TIPRL: variants seen among roughly 807,000 people sequenced by gnomAD.
The protein encoded by TIPRL is TOR signaling pathway regulator, also known as TIP41-like protein.
A neutral mutation model predicts 32.3 loss-of-function variants in TIPRL; 10 were observed. The observed-to-expected ratio is 0.31, with a 90% confidence interval of 0.19 to 0.52. TIPRL has a LOEUF of 0.52. Ranked by LOEUF, TIPRL falls within the 20% of genes least tolerant of loss-of-function variation. TIPRL has a pLI of 0.96. For missense variants in TIPRL, 250 were observed against 328.1 expected, an observed-to-expected ratio of 0.76 and a Z score of 1.84; for synonymous variants, 100 against 114.0, an observed-to-expected ratio of 0.88 and a Z score of 0.78.
chr1:168,181,769 A>G (rs1699969651), intron 1 of TIPRL, among the ~76,000 whole-genome samples: 1 of 151,658 alleles, frequency 6.6e-6, no homozygotes, highest in Non-Finnish European at 1.5e-5. Context: ...TTAAAAACAA[A>G]TTTGCCTGAG....
intron 4 of TIPRL, chr1:168,192,528 T>C (rs2102311339): frequency 2.1e-6 from 1 of 481,886 alleles, no homozygotes; most frequent in Non-Finnish European, 2.7e-6. Flanking sequence ...CCAGCTAAAA[T>C]ACCACCTTTT....
intron 1 of TIPRL, among the ~76,000 whole-genome samples, chr1:168,182,075 CAA>C (rs34352880): frequency 2.3e-5 from 3 of 132,220 alleles, no homozygotes; most frequent in African/African-American, 3.2e-5. Flanking sequence ...CACCCTCCGC[CAA>C]AAAAAAAAAA....
In TIPRL at chr1:168,186,243, C is replaced by T. The variant is rs918710550; in HGVS notation, c.384+1365C>T. 1.1e-4 allele frequency among the ~76,000 whole-genome samples: 16 copies of T among 152,292 alleles called. No homozygotes were observed. In the East Asian group the frequency reaches 1.5e-3, roughly 15 times the overall value. On this transcript the variant is annotated intron_variant, in intron 3 of 6. Transcript: ENST00000367833. ...GGGCTCAATGGCTCACGCCTGTAAT[C>T]CCAGCACTTTGCGAGGCCAAGGAGG...
At chr1:168,181,848 G>T (rs1168758778) in intron 1 of TIPRL, among the ~76,000 whole-genome samples, 2 of 151,422 alleles carry the variant, frequency 1.3e-5, no homozygotes, top group Non-Finnish European at 2.9e-5. Flanking sequence ...ATCACCTGAG[G>T]TCAGGAGTTC....
rs1700199268 is a variant in TIPRL, at chr1:168,200,579, C to T, written c.*533C>T. The T allele has an allele frequency of 6.8e-6, 1 of 147,520 alleles. No individual in the cohort carries two copies. The highest frequency in any genetic ancestry group is 1.5e-5 in the Non-Finnish European group (1 of 67,532). The allele number at this position is 147,520 out of a possible 1,614,324, so 9.1% of individuals were successfully genotyped here. On this transcript the variant is annotated 3_prime_UTR_variant, in exon 7 of 7. Coordinates refer to ENST00000367833, the MANE Select transcript of TIPRL (RefSeq NM_152902.5). ...ACCCCAAAATTTTAAAAATGTATTT[C>T]CCCCCAGTTTTAAATTGCCTTTGAA... is the stretch of plus-strand genomic sequence containing the variant.
rs754530890 is a variant in TIPRL, at chr1:168,179,063, G to A, written c.-15G>A. On this transcript the variant is annotated 5_prime_UTR_variant, in exon 1 of 7. Transcript: ENST00000367833. ...CAGCTTATTCCTTGTGGCCTCTGCG[G>A]GTCCTGCCTCAGCCATGATGATCCA... is the stretch of plus-strand genomic sequence containing the variant. 1.2e-5 allele frequency: 19 copies of A among 1,612,154 alleles called. No homozygotes were observed. In the African/African-American group the frequency reaches 2.1e-4, roughly 18 times the overall value.
At chr1:168,191,610 G>A (rs112311867) in intron 4 of TIPRL, 110 bp downstream of exon 4, 13 of 894,152 alleles carry the variant, frequency 1.5e-5, no homozygotes, top group East Asian at 1.1e-4. Flanking sequence ...GGTGGCTCAC[G>A]CCTGTAATCC....
chr1:168,183,430 C>A (rs1229871842), intron 1 of TIPRL, among the ~76,000 whole-genome samples: 2 of 137,056 alleles, frequency 1.5e-5, no homozygotes, highest in Non-Finnish European at 3.0e-5. Context: ...TAAATTGACA[C>A]AATCCTTCTG....
At chr1:168,185,855 T>TCA (rs1700021011) in intron 3 of TIPRL, among the ~76,000 whole-genome samples, 2 of 149,164 alleles carry the variant, frequency 1.3e-5, no homozygotes, top group Non-Finnish European at 3.0e-5. Context: ...AGTGGGTGGA[T>TCA]CATGAAGTCA....
At chr1:168,199,799 C>A in intron 6 of TIPRL, 104 bp from the exon 7 acceptor site, 1 of 1,219,014 alleles carries the variant, frequency 8.2e-7, no homozygotes, top group South Asian at 1.6e-5. Context: ...TATATTGCAC[C>A]TGATTTTAAA....
At chr1:168,181,974 G>T (rs1699972195) in intron 1 of TIPRL, among the ~76,000 whole-genome samples, 1 of 151,712 alleles carries the variant, frequency 6.6e-6, no homozygotes, top group Non-Finnish European at 1.5e-5. Context: ...TGAGGCACGA[G>T]AATCACTTGA....
rs56699636 is a variant in TIPRL at position 168,186,074 on chromosome 1, C to CAA, written c.384+1224_384+1225dup. ...TGGGCGACAGAGCGAGACTCCGTCT[C>CAA]AAAAAAAAAAAAAAAAAAAAAAAAA... On this transcript the variant is annotated intron_variant, in intron 3 of 6. Transcript: ENST00000367833. Among the ~76,000 whole-genome samples, 462 of 55,830 alleles carry CAA rather than the reference C, an allele frequency of 8.3e-3. 11 individuals carry two copies. The highest frequency in any genetic ancestry group is 0.013 in the Non-Finnish European group (357 of 27,702). The allele number at this position is 55,830 out of a possible 152,430, so 36.6% of individuals were successfully genotyped here.
intron 1 of TIPRL, among the ~76,000 whole-genome samples, chr1:168,180,820 C>CTTTTTTT (rs71118909): frequency 3.4e-4 from 42 of 124,176 alleles, no homozygotes; most frequent in African/African-American, 3.9e-4. Context: ...TTTTTTATAA[C>CTTTTTTT]TTTTTTTTTT....
intron 3 of TIPRL, among the ~76,000 whole-genome samples, chr1:168,188,789 G>A (rs138235660): frequency 0.037 from 5,565 of 152,126 alleles, 340 homozygotes; most frequent in African/African-American, 0.13. Flanking sequence ...GACCAGCCTG[G>A]CCAACATGGC....
chr1:168,179,941 C>T (rs1385078308), intron 1 of TIPRL, among the ~76,000 whole-genome samples: 1 of 151,916 alleles, frequency 6.6e-6, no homozygotes, highest in Non-Finnish European at 1.5e-5. Context: ...GTGATTGGAG[C>T]GTGAGGTACC....
intron 4 of TIPRL, among the ~76,000 whole-genome samples, chr1:168,195,959 C>T (rs767070923): frequency 1.3e-5 from 2 of 152,210 alleles, no homozygotes; most frequent in Admixed American, 6.5e-5. Flanking sequence ...CATACTTTCT[C>T]CACTGATTCT....
At position 168,179,196 on chromosome 1, in the gene TIPRL, C is replaced by T. The variant is rs751242252; in HGVS notation, c.104+15C>T. On this transcript the variant is annotated intron_variant, in intron 1 of 6. Transcript: ENST00000367833. The stretch of plus-strand genomic sequence containing the variant: ...GATGTGGAGAAGTGAGGCTTCGGGG[C>T]ACGGGGTCTGGGCGCTGGCCGGTTG... 1 of 1,612,412 alleles carries T rather than the reference C, an allele frequency of 6.2e-7. No homozygotes were observed. Among genetic ancestry groups the T allele is most frequent in the East Asian group, 2.2e-5 (1 of 44,852 alleles).
At chr1:168,180,469 T>G (rs780308227) in intron 1 of TIPRL, among the ~76,000 whole-genome samples, 7 of 152,182 alleles carry the variant, frequency 4.6e-5, no homozygotes, top group Non-Finnish European at 1.0e-4. Context: ...AGATAACGTC[T>G]GTGGGTTTAA....
At chr1:168,180,620 C>T (rs556323274) in intron 1 of TIPRL, among the ~76,000 whole-genome samples, 7 of 151,788 alleles carry the variant, frequency 4.6e-5, no homozygotes, top group South Asian at 2.1e-4. Flanking sequence ...GAGGGAGTGA[C>T]CAGGGAAGAG....
Sources: allele counts gnomAD v4.1 joint callset (sites outside exome capture counted in the v4.1 genomes callset), GRCh38; gene constraint gnomAD v4.1.1; transcripts MANE v1.5; gene names NCBI Gene and HGNC (gene_info 2026-07-23, HGNC 2026-07-21).